Variants in SEC16B observed in about 807,000 individuals in gnomAD.
The protein encoded by SEC16B is SEC16 homolog B, endoplasmic reticulum export factor, also known as protein transport protein Sec16B.
Under a neutral mutation model 141.8 loss-of-function variants are expected in SEC16B, and 115 were observed. The ratio of observed to expected loss-of-function variants is 0.81; its 90% CI spans 0.70 to 0.95. The LOEUF is 0.95. Among genes scored for constraint, SEC16B ranks in the 40% least tolerant of loss-of-function variants. The probability of loss-of-function intolerance (pLI) is 0.00; values close to 1 mark genes in which losing one functional copy is unlikely to be tolerated. For missense variants in SEC16B, 1,291 were observed against 1,312.3 expected, an observed-to-expected ratio of 0.98 and a Z score of 0.25; for synonymous variants, 493 against 492.5, an observed-to-expected ratio of 1.00 and a Z score of -0.01.
intron 12 of SEC16B, 64 bp from the exon 13 acceptor site, chr1:177,948,006 G>A (rs1651867334): frequency 1.6e-6 from 2 of 1,259,748 alleles, no homozygotes; most frequent in Non-Finnish European, 1.1e-6. Context: ...ACATAAAGAA[G>A]GCTGTTGTCT....
chr1:177,974,922 G>T (rs1229779844), upstream of SEC16B, among the ~76,000 whole-genome samples: 2 of 152,182 alleles, frequency 1.3e-5, no homozygotes, highest in African/African-American at 2.4e-5. Context: ...GTTAAACCTA[G>T]CCGAGGAAGG....
intron 1 of SEC16B, among the ~76,000 whole-genome samples, chr1:177,969,093 C>T (rs925810052): frequency 4.6e-5 from 7 of 152,174 alleles, no homozygotes; most frequent in Admixed American, 4.6e-4. Flanking sequence ...GCTAGGTCGG[C>T]CTCGATTTTT....
At chr1:177,964,920 C>G (rs1653390287) in intron 4 of SEC16B, 127 bp downstream of exon 4, 1 of 1,142,520 alleles carries the variant, frequency 8.8e-7, no homozygotes, top group African/African-American at 1.5e-5. Context: ...TCCCATATCC[C>G]TGTGGCTACA....
At chr1:177,933,102 C>T (rs907718354) in intron 22 of SEC16B, 112 bp downstream of exon 22, 6 of 820,946 alleles carry the variant, frequency 7.3e-6, no homozygotes, top group Non-Finnish European at 1.2e-5. Context: ...ACCTCTGTCT[C>T]ATGTGGCCTG....
chr1:177,968,979 C>T (rs1165491851), intron 1 of SEC16B, among the ~76,000 whole-genome samples: 1 of 152,180 alleles, frequency 6.6e-6, no homozygotes, highest in East Asian at 1.9e-4. Flanking sequence ...GTTCCTCTGC[C>T]CATTGCACGG....
intron 10 of SEC16B, among the ~76,000 whole-genome samples, chr1:177,955,101 A>G (rs1652495362): frequency 6.6e-6 from 1 of 152,132 alleles, no homozygotes; most frequent in Admixed American, 6.5e-5. Context: ...CTCAATAGAA[A>G]AATGCAGAAA....
Position 177,964,195 on chromosome 1 carries a change from C to T in SEC16B, c.618G>A (p.Leu206=). The part of the protein sequence containing the change: ...EWPGELFPGS[L]LAEAQKNKPS... ...CCTTATTTTTCTGGGCCTCAGCAAG[C>T]AGGCTCCCTGGAAACAGCTCCCCCG... Residue 206 remains leucine, a synonymous_variant, in exon 5 of 26, where the codon CTG becomes CTA. Transcript: ENST00000308284. The T allele has an allele frequency of 1.2e-6, 2 of 1,613,386 alleles. No homozygotes were observed. The highest frequency in any genetic ancestry group is 1.7e-6 in the Non-Finnish European group (2 of 1,179,542).
chr1:177,977,897 A>T (rs1351642430), intron 1 of SEC16B, among the ~76,000 whole-genome samples: 1 of 152,238 alleles, frequency 6.6e-6, no homozygotes, highest in Non-Finnish European at 1.5e-5. Flanking sequence ...ATGAGATTTT[A>T]AAAATGAAAT....
chr1:177,935,052 T>G (rs988730750), intron 20 of SEC16B, among the ~76,000 whole-genome samples: 12 of 152,044 alleles, frequency 7.9e-5, no homozygotes, highest in Non-Finnish European at 1.5e-4. Context: ...CTGCAGGGCC[T>G]CCAGTCCTGC....
intron 12 of SEC16B, chr1:177,948,661 A>G: frequency 7.8e-7 from 1 of 1,275,198 alleles, no homozygotes; most frequent in African/African-American, 1.5e-5. Flanking sequence ...GAGAATTTCA[A>G]GGCAGAAAAT....
At chr1:177,948,036 G>T in intron 12 of SEC16B, 94 bp from the exon 13 acceptor site, 1 of 996,748 alleles carries the variant, frequency 1.0e-6, no homozygotes, top group Non-Finnish European at 1.5e-6. Flanking sequence ...TTCAGAAGTG[G>T]TCAGAGAATG....
chr1:177,969,267 C>T (rs770308580), intron 1 of SEC16B, among the ~76,000 whole-genome samples: 2 of 152,112 alleles, frequency 1.3e-5, no homozygotes, highest in Non-Finnish European at 2.9e-5. Flanking sequence ...ACCAGGGAGC[C>T]GAGGTCGACA....
rs1347309962 is a variant in SEC16B, at chr1:177,976,271, C to A, written c.-59+7935G>T. On this transcript the variant is annotated intron_variant and NMD_transcript_variant, in intron 1 of 24. Transcript: ENST00000528461. ...ATTAGCCCTAGGCTGGCAGAGGTGG[C>A]CCAACCTCCTCCTCTCTTCACCCCT... is the stretch of plus-strand genomic sequence containing the variant. 4.6e-5 allele frequency among the ~76,000 whole-genome samples: 7 copies of A among 152,248 alleles called. No homozygotes were observed. The East Asian group carries it at 1.2e-3, about 25-fold the overall frequency.
At chr1:177,939,619 A>G (rs551892899) in intron 18 of SEC16B, 83 bp downstream of exon 18, 1 of 1,192,744 alleles carries the variant, frequency 8.4e-7, no homozygotes, top group African/African-American at 1.5e-5. Context: ...GCAAAGGGCG[A>G]GTGCTTTCAT....
At chr1:177,961,997 C>T (rs944087772) in intron 5 of SEC16B, among the ~76,000 whole-genome samples, 1 of 152,186 alleles carries the variant, frequency 6.6e-6, no homozygotes, top group African/African-American at 2.4e-5. Flanking sequence ...GTGACTTAGG[C>T]TCTCTGAGCT....
chr1:177,958,440 C>T, intron 9 of SEC16B, 78 bp from the exon 10 acceptor site: 2 of 1,211,186 alleles, frequency 1.7e-6, no homozygotes, highest in Non-Finnish European at 2.3e-6. Flanking sequence ...AAGGAAGGCA[C>T]CAGGGAGCCT....
intron 12 of SEC16B, chr1:177,948,345 C>T (rs552584663): frequency 7.7e-7 from 1 of 1,304,100 alleles, no homozygotes; most frequent in African/African-American, 1.5e-5. Context: ...GAGGCCACAG[C>T]CTGTCACAGA....
chr1:177,960,342 C>T lies in SEC16B; in HGVS notation c.998G>A (p.Arg333Lys), dbSNP rs749730569. 80 of 1,594,528 alleles carry T rather than the reference C, an allele frequency of 5.0e-5. No individual in the cohort carries two copies. Among genetic ancestry groups the T allele is most frequent in the Non-Finnish European group, 6.7e-5 (78 of 1,164,660 alleles). Reference sequence around the variant, plus strand: ...CTCAGCAGCTCTTACAGCACTATACCTAATCAAGGGTCCTGAGAAACTTCT... The same window carrying T: ...CTCAGCAGCTCTTACAGCACTATACTTAATCAAGGGTCCTGAGAAACTTCT... ...EMRSFSGPLI[R>K]EDVHKVDIMT... is the part of the protein sequence containing the mutation. The change falls in exon 8 of 26, where the codon AGG becomes AAG. Residue 333 changes from arginine (R) to lysine (K), a missense_variant and splice_region_variant. Transcript: ENST00000308284.
intron 1 of SEC16B, among the ~76,000 whole-genome samples, chr1:177,976,066 G>C (rs1165665774): frequency 6.6e-6 from 1 of 152,224 alleles, no homozygotes; most frequent in African/African-American, 2.4e-5. Context: ...TAGGAGTGAA[G>C]GTTTAGGCAC....
Sources: gnomAD v4.1 joint callset for allele counts (sites outside exome capture counted in the v4.1 genomes callset) on GRCh38, gnomAD v4.1.1 for gene constraint, MANE v1.5 for transcripts, NCBI Gene and HGNC (gene_info 2026-07-23, HGNC 2026-07-21) for gene names.